Variants in ELAVL2 observed in about 807,000 individuals in gnomAD.
The protein encoded by ELAVL2 is ELAV like RNA binding protein 2, also known as ELAV-like protein 2.
Under a neutral mutation model 34.6 loss-of-function variants are expected in ELAVL2, and 4 were observed. The observed-to-expected ratio is 0.12, with a 90% confidence interval of 0.06 to 0.26. The LOEUF (loss-of-function observed/expected upper bound fraction) is 0.26, where lower values mean the gene tolerates loss of function less well. Among genes scored for constraint, ELAVL2 ranks in the 10% least tolerant of loss-of-function variants. ELAVL2 has a pLI of 1.00. For missense variants in ELAVL2, 432 were observed against 442.8 expected (o/e 0.98, Z 0.22); for synonymous variants, 193 against 154.8 (o/e 1.25, Z -1.83).
In ELAVL2 at chr9:23,690,881, C is replaced by T. The variant is rs963112805; in HGVS notation, c.*1676G>A. On this transcript the variant is annotated 3_prime_UTR_variant, in exon 7 of 7. Coordinates refer to ENST00000397312, the MANE Select transcript of ELAVL2 (RefSeq NM_004432.5). ...TGTATTTTTTAAAATTTCTTTCATA[C>T]ATGGTAAAGACTTATTTTATTATTT... 1 of 152,474 alleles carries T rather than the reference C, an allele frequency of 6.6e-6. No homozygotes were observed. Among genetic ancestry groups the T allele is most frequent in the Non-Finnish European group, 1.5e-5 (1 of 67,986 alleles). The allele number at this position is 152,474 out of a possible 1,614,324, so 9.4% of individuals were successfully genotyped here.
intron 1 of ELAVL2, among the ~76,000 whole-genome samples, chr9:23,794,671 T>C (rs533909073): frequency 1.3e-5 from 2 of 152,326 alleles, no homozygotes; most frequent in East Asian, 3.9e-4. Flanking sequence ...ACAAAGCTTG[T>C]ACAAATCAAT....
intron 3 of ELAVL2, among the ~76,000 whole-genome samples, chr9:23,714,823 A>C (rs2041891283): frequency 6.6e-6 from 1 of 152,156 alleles, no homozygotes; most frequent in Non-Finnish European, 1.5e-5. Context: ...AAAATACTGA[A>C]GAGGCTACAC....
At chr9:23,821,137 T>G (rs1160072348) in intron 1 of ELAVL2, 1 of 152,464 alleles carries the variant, frequency 6.6e-6, no homozygotes, top group Non-Finnish European at 1.5e-5. Context: ...GCACACATCC[T>G]CCCGCAAGGC....
chr9:23,840,341 G>C, the ELAVL2 span, among the ~76,000 whole-genome samples: 1 of 152,096 alleles, frequency 6.6e-6, no homozygotes, highest in Non-Finnish European at 1.5e-5. Flanking sequence ...AAGTACAGAT[G>C]CCTCCCCTTT....
At chr9:23,774,144 G>C (rs987025670) in intron 1 of ELAVL2, among the ~76,000 whole-genome samples, 1 of 136,372 alleles carries the variant, frequency 7.3e-6, no homozygotes, top group African/African-American at 2.8e-5. Context: ...CCAGGAGGCA[G>C]AGCTTGCAGT....
At chr9:23,824,016 G>C (rs1214592105) in intron 1 of ELAVL2, among the ~76,000 whole-genome samples, 1 of 152,176 alleles carries the variant, frequency 6.6e-6, no homozygotes, top group Admixed American at 6.5e-5. Flanking sequence ...ATGAGAGGGG[G>C]AAGGGACAGA....
intron 3 of ELAVL2, among the ~76,000 whole-genome samples, chr9:23,706,038 T>C (rs530788543): frequency 4.7e-4 from 72 of 152,348 alleles, no homozygotes; most frequent in African/African-American, 1.7e-3. Context: ...TGTCCATAAA[T>C]TCCCAGAAAT....
chr9:23,753,380 G>A (rs972769505), intron 2 of ELAVL2, among the ~76,000 whole-genome samples: 2 of 151,800 alleles, frequency 1.3e-5, no homozygotes, highest in Admixed American at 6.6e-5. Flanking sequence ...GTTCCAACAG[G>A]TACAGAATAA....
chr9:23,783,482 G>A (rs1016511925), intron 1 of ELAVL2: 2 of 985,418 alleles, frequency 2.0e-6, no homozygotes, highest in African/African-American at 1.7e-5. Context: ...TGAAAACAAC[G>A]AGGTTCATTA....
At chr9:23,749,938 T>C (rs915226843) in intron 2 of ELAVL2, among the ~76,000 whole-genome samples, 1 of 151,906 alleles carries the variant, frequency 6.6e-6, no homozygotes, top group East Asian at 1.9e-4. Flanking sequence ...AGAGCTGTTA[T>C]TCACTATACT....
chr9:23,700,174 T>G (rs1216680066), intron 5 of ELAVL2, among the ~76,000 whole-genome samples: 1 of 152,212 alleles, frequency 6.6e-6, no homozygotes, highest in East Asian at 1.9e-4. Context: ...TTAACTATTC[T>G]GTCCCATGAA....
At chr9:23,719,694 G>C (rs1464392356) in intron 3 of ELAVL2, among the ~76,000 whole-genome samples, 1 of 151,986 alleles carries the variant, frequency 6.6e-6, no homozygotes, top group African/African-American at 2.4e-5. Context: ...TCTTATAATA[G>C]AGCAAATTCC....
chr9:23,833,031 T>C, the ELAVL2 span, among the ~76,000 whole-genome samples: 1 of 152,030 alleles, frequency 6.6e-6, no homozygotes, highest in African/African-American at 2.4e-5. Context: ...GCAAAAATCC[T>C]TCATATCTAA....
At chr9:23,782,515 T>C (rs2059198391) in intron 1 of ELAVL2, among the ~76,000 whole-genome samples, 1 of 152,218 alleles carries the variant, frequency 6.6e-6, no homozygotes, top group South Asian at 2.1e-4. Flanking sequence ...GAGGTTGCAA[T>C]GAGCCAAGAT....
chr9:23,796,776 A>G (rs2060982471), intron 1 of ELAVL2, among the ~76,000 whole-genome samples: 1 of 152,092 alleles, frequency 6.6e-6, no homozygotes, highest in South Asian at 2.1e-4. Flanking sequence ...CAAATATGTA[A>G]AAGATATCCT....
At chr9:23,770,425 T>C (rs2057099379) in intron 1 of ELAVL2, among the ~76,000 whole-genome samples, 2 of 152,132 alleles carry the variant, frequency 1.3e-5, no homozygotes, top group Non-Finnish European at 2.9e-5. Flanking sequence ...TTATGTTACA[T>C]GACAAGGGGG....
At chr9:23,703,417 G>T (rs974427109) in intron 4 of ELAVL2, among the ~76,000 whole-genome samples, 3 of 152,282 alleles carry the variant, frequency 2.0e-5, no homozygotes, top group Admixed American at 6.5e-5. Context: ...TAAGTATTAT[G>T]AATTAACTAA....
chr9:23,781,504 CT>C (rs1006995164), intron 1 of ELAVL2, among the ~76,000 whole-genome samples: 15 of 147,516 alleles, frequency 1.0e-4, no homozygotes, highest in East Asian at 8.2e-4. Flanking sequence ...AGAAAAGTTT[CT>C]TTTTTTTCTT....
At chr9:23,795,988 C>G (rs1261317133) in intron 1 of ELAVL2, among the ~76,000 whole-genome samples, 1 of 152,132 alleles carries the variant, frequency 6.6e-6, no homozygotes, top group Non-Finnish European at 1.5e-5. Context: ...AATATTGTTT[C>G]CCACCAGATT....
Sources: allele counts gnomAD v4.1 joint callset (sites outside exome capture counted in the v4.1 genomes callset), GRCh38; gene constraint gnomAD v4.1.1; transcripts MANE v1.5; gene names NCBI Gene and HGNC (gene_info 2026-07-23, HGNC 2026-07-21).